Variants in CTNNA2 observed in about 807,000 individuals in gnomAD.
CTNNA2 encodes catenin alpha-2.
Under a neutral mutation model 101.0 loss-of-function variants are expected in CTNNA2, and 42 were observed. The ratio of observed to expected loss-of-function variants is 0.42; its 90% CI spans 0.32 to 0.54. The LOEUF is 0.54. Ranked by LOEUF, CTNNA2 falls within the 20% of genes least tolerant of loss-of-function variation. The pLI is 0.14. For missense variants in CTNNA2, 871 were observed against 1,223.1 expected, an observed-to-expected ratio of 0.71 and a Z score of 4.29; for synonymous variants, 450 against 456.4, an observed-to-expected ratio of 0.99 and a Z score of 0.18.
At chr2:79,992,125 G>A (rs887813487) in intron 7 of CTNNA2, among the ~76,000 whole-genome samples, 5 of 152,098 alleles carry the variant, frequency 3.3e-5, no homozygotes, top group Non-Finnish European at 7.4e-5. Context: ...AGATAATAAT[G>A]TAATTTATCT....
At chr2:79,968,561 T>G (rs1330328026) in intron 7 of CTNNA2, among the ~76,000 whole-genome samples, 1 of 152,070 alleles carries the variant, frequency 6.6e-6, no homozygotes, top group South Asian at 2.1e-4. Context: ...TATTCCAGCA[T>G]TTTGGGAGGC....
chr2:80,003,748 C>T (rs1156514471), intron 7 of CTNNA2, among the ~76,000 whole-genome samples: 2 of 152,118 alleles, frequency 1.3e-5, no homozygotes, highest in African/African-American at 4.8e-5. Flanking sequence ...TCATCAAATC[C>T]TGGTCACTCT....
At chr2:80,479,184 A>T (rs1029909716) in intron 9 of CTNNA2, among the ~76,000 whole-genome samples, 3 of 151,970 alleles carry the variant, frequency 2.0e-5, no homozygotes, top group Non-Finnish European at 2.9e-5. Context: ...CATTATTAGG[A>T]TCCATTTTAT....
At chr2:80,043,772 G>A (rs774783597) in intron 7 of CTNNA2, among the ~76,000 whole-genome samples, 18 of 152,180 alleles carry the variant, frequency 1.2e-4, no homozygotes, top group Admixed American at 2.0e-4. Context: ...TAACACTGGT[G>A]GAAGAGAAGG....
At chr2:80,542,831 T>G (rs1691691581) in intron 9 of CTNNA2, among the ~76,000 whole-genome samples, 1 of 152,020 alleles carries the variant, frequency 6.6e-6, no homozygotes, top group African/African-American at 2.4e-5. Context: ...AGGTAGAACT[T>G]TAAATACATA....
Position 80,303,358 on chromosome 2 carries a change from G to T in CTNNA2, c.1057-89853G>T, listed in dbSNP as rs768455060. ...GCTTCCGCAGCCCGTGGAAGAGGTC[G>T]GGCGCGAGCGCCTGCAGCTTGTTGT... On this transcript the variant is annotated intron_variant, in intron 7 of 18. Transcript: ENST00000402739. This position sits in a 1 kb window ranked among gnomAD's most constrained non-coding sequence, Gnocchi z 7.7. 2 of 1,613,952 alleles carry T rather than the reference G, an allele frequency of 1.2e-6. No homozygotes were observed. Among genetic ancestry groups the T allele is most frequent in the South Asian group, 2.2e-5 (2 of 91,088 alleles).
chr2:79,380,869 G>A (rs1045339402), intron 4 of CTNNA2, among the ~76,000 whole-genome samples: 10 of 152,146 alleles, frequency 6.6e-5, no homozygotes, highest in Non-Finnish European at 1.2e-4. Context: ...AGTCCAGTAT[G>A]CCTGAACTGT....
intron 1 of CTNNA2, among the ~76,000 whole-genome samples, chr2:79,647,453 C>T (rs1049254941): frequency 5.3e-5 from 8 of 152,092 alleles, no homozygotes; most frequent in African/African-American, 1.9e-4. Context: ...AACTGGGACT[C>T]AGAAAGGGCA....
chr2:80,146,935 TTTTATTTA>T (rs71386614), intron 7 of CTNNA2, among the ~76,000 whole-genome samples: 2,195 of 131,472 alleles, frequency 0.017, 59 homozygotes, highest in African/African-American at 0.049. Context: ...GTATTTTGTA[TTTTATTTA>T]TTTATTTATT....
At chr2:80,140,596 A>G (rs550732407) in intron 7 of CTNNA2, among the ~76,000 whole-genome samples, 33 of 152,282 alleles carry the variant, frequency 2.2e-4, no homozygotes, top group Admixed American at 2.0e-3. Flanking sequence ...GTTTATAATT[A>G]CATGCAGTCA....
Position 79,620,752 on chromosome 2 carries a change from T to G in CTNNA2, c.-5-30800T>G, listed in dbSNP as rs867872745. 1.6e-4 allele frequency among the ~76,000 whole-genome samples: 24 copies of G among 152,208 alleles called. 1 individual carries two copies. Among genetic ancestry groups the G allele is most frequent in the Middle Eastern group, 3.4e-3 (1 of 294 alleles). On this transcript the variant is annotated intron_variant, in intron 1 of 18. Transcript: ENST00000402739. Reference sequence around the variant, plus strand: ...GATCTGAAGGTTAGAGCCTACAGTTTTGGTGTGCATAGGCAGCCATAGATA... The same window carrying G: ...GATCTGAAGGTTAGAGCCTACAGTTGTGGTGTGCATAGGCAGCCATAGATA...
At chr2:79,653,211 G>A (rs1426558798) in intron 2 of CTNNA2, among the ~76,000 whole-genome samples, 2 of 152,112 alleles carry the variant, frequency 1.3e-5, no homozygotes, top group African/African-American at 4.8e-5. Context: ...TCTGGGCCTA[G>A]TTCAGAATTA....
At chr2:79,335,557 G>A (rs530591373) in intron 3 of CTNNA2, among the ~76,000 whole-genome samples, 7 of 152,178 alleles carry the variant, frequency 4.6e-5, no homozygotes, top group Admixed American at 6.5e-5. Flanking sequence ...TTTCACAAAA[G>A]CCTTTTGAAA....
chr2:79,903,445 A>G (rs925922425), intron 6 of CTNNA2, among the ~76,000 whole-genome samples: 6 of 152,064 alleles, frequency 3.9e-5, no homozygotes, highest in Admixed American at 2.0e-4. Context: ...CTGATGATTC[A>G]TCATTGCCTA....
intron 7 of CTNNA2, among the ~76,000 whole-genome samples, chr2:80,266,808 C>G (rs774911572): frequency 6.6e-6 from 1 of 152,138 alleles, no homozygotes; most frequent in Non-Finnish European, 1.5e-5. Context: ...GTGCCCAGGT[C>G]CTTACACATG....
At chr2:80,201,037 G>A (rs964997826) in intron 7 of CTNNA2, among the ~76,000 whole-genome samples, 1 of 152,040 alleles carries the variant, frequency 6.6e-6, no homozygotes, top group Admixed American at 6.5e-5. Flanking sequence ...GATATAAAAT[G>A]GCATAGTATT....
chr2:80,581,885 T>C, intron 14 of CTNNA2, 66 bp downstream of exon 14: 1 of 965,874 alleles, frequency 1.0e-6, no homozygotes, highest in Non-Finnish European at 1.7e-6. Context: ...GGTTTGAGGG[T>C]ATTTCTAAAC....
At chr2:79,683,575 C>T (rs964811557) in intron 2 of CTNNA2, among the ~76,000 whole-genome samples, 6 of 152,150 alleles carry the variant, frequency 3.9e-5, no homozygotes, top group African/African-American at 1.4e-4. Flanking sequence ...ATTTATAATG[C>T]TTAGAAGATC....
At chr2:80,162,641 C>A in intron 7 of CTNNA2, 1 of 1,612,196 alleles carries the variant, frequency 6.2e-7, no homozygotes, top group East Asian at 2.2e-5. Context: ...GATGAGAATT[C>A]ATTCTGACTT....
Sources: gnomAD v4.1 joint callset for allele counts (sites outside exome capture counted in the v4.1 genomes callset) on GRCh38, gnomAD v4.1.1 for gene constraint, Gnocchi (gnomAD v3.1) non-coding constraint, MANE v1.5 for transcripts, NCBI Gene and HGNC (gene_info 2026-07-23, HGNC 2026-07-21) for gene names.